Variants in AOX1 observed in about 807,000 individuals in gnomAD.
AOX1 encodes aldehyde oxidase 1.
Under a neutral mutation model 169.5 loss-of-function variants are expected in AOX1, and 153 were observed. The ratio of observed to expected loss-of-function variants is 0.90; its 90% CI spans 0.79 to 1.03. The LOEUF is 1.03. Among genes scored for constraint, AOX1 ranks in the 50% least tolerant of loss-of-function variants. The pLI, the probability that AOX1 is intolerant of heterozygous loss-of-function variation, is 0.00. For missense variants in AOX1, 1,656 were observed against 1,663.9 expected (o/e 1.00, Z 0.08); for synonymous variants, 562 against 581.9 (o/e 0.97, Z 0.49).
chr2:200,641,383 C>G (rs1040858030), intron 24 of AOX1, among the ~76,000 whole-genome samples, 199 bp downstream of exon 24: 1 of 152,026 alleles, frequency 6.6e-6, no homozygotes, highest in Non-Finnish European at 1.5e-5. Context: ...TGTGTGTTAC[C>G]CCCCGGCTTC....
chr2:200,642,863 G>C (rs1015819211), intron 25 of AOX1, 62 bp downstream of exon 25: 8 of 1,504,188 alleles, frequency 5.3e-6, no homozygotes, highest in Middle Eastern at 3.7e-4. Flanking sequence ...AGGGCCTTTG[G>C]GGGCCATTCA....
At position 200,669,580 on chromosome 2, in the gene AOX1, G is replaced by A. The variant is rs1227851346; in HGVS notation, c.3804G>A (p.Leu1268=). 6.2e-7 allele frequency: 1 copy of A among 1,614,044 alleles called. No homozygotes were observed. The highest frequency in any genetic ancestry group is 8.5e-7 in the Non-Finnish European group (1 of 1,179,986). Reference sequence around the variant, plus strand: ...TTGGCATGCTTCCTTTCAAGGGTCTGGGAGAGTCGGGGGTGTTCCTGGGGT... The same window carrying A: ...TTGGCATGCTTCCTTTCAAGGGTCTAGGAGAGTCGGGGGTGTTCCTGGGGT... ...NSNTLYSSKG[L]GESGVFLGCS... is the part of the protein sequence containing the mutation. The change falls in exon 34 of 35, where the codon CTG becomes CTA. Residue 1268 remains leucine, a synonymous_variant. Coordinates refer to ENST00000374700, the MANE Select transcript of AOX1 (RefSeq NM_001159.4).
chr2:200,659,904 T>A (rs1402966336), intron 28 of AOX1, 91 bp from the exon 29 acceptor site: 1 of 994,868 alleles, frequency 1.0e-6, no homozygotes, highest in East Asian at 2.5e-5. Context: ...CCCTCTTAGA[T>A]AAGCCTATGG....
chr2:200,656,212 G>C (rs1316120287), intron 26 of AOX1, among the ~76,000 whole-genome samples: 1 of 152,184 alleles, frequency 6.6e-6, no homozygotes, highest in Non-Finnish European at 1.5e-5. Context: ...CAGAGCCAAA[G>C]GGAAGAAGCC....
At chr2:200,632,015 C>T (rs2035138362) in intron 20 of AOX1, among the ~76,000 whole-genome samples, 1 of 151,968 alleles carries the variant, frequency 6.6e-6, no homozygotes, top group African/African-American at 2.4e-5. Flanking sequence ...GTCCAGATTG[C>T]AATTTAAAAC....
At chr2:200,593,001 A>C in intron 1 of AOX1, 145 bp from the exon 2 acceptor site, 1 of 648,932 alleles carries the variant, frequency 1.5e-6, no homozygotes, top group South Asian at 1.8e-5. Context: ...TTTGCATATC[A>C]CAGCTGTTCC....
At chr2:200,588,813 C>T (rs1488179318) in intron 1 of AOX1, among the ~76,000 whole-genome samples, 2 of 143,374 alleles carry the variant, frequency 1.4e-5, no homozygotes, top group Non-Finnish European at 3.0e-5. Context: ...CACCCACCAC[C>T]ACGCTAATTT....
chr2:200,612,584 T>C (rs764755705), intron 13 of AOX1, 25 bp from the exon 14 acceptor site: 5 of 1,609,372 alleles, frequency 3.1e-6, no homozygotes, highest in Non-Finnish European at 4.2e-6. Flanking sequence ...TGTTTCTACA[T>C]GTGCCACTTA....
At chr2:200,602,430 A>T (rs753620461) in intron 6 of AOX1, 85 bp downstream of exon 6, 12 of 1,168,644 alleles carry the variant, frequency 1.0e-5, no homozygotes, top group East Asian at 2.4e-5. Flanking sequence ...GGGGGCAGCC[A>T]TCTTACTAAT....
At chr2:200,649,830 T>G (rs1355083086) in intron 25 of AOX1, among the ~76,000 whole-genome samples, 1 of 152,162 alleles carries the variant, frequency 6.6e-6, no homozygotes, top group Non-Finnish European at 1.5e-5. Context: ...AGGAAAACAG[T>G]CAGTTTCTCC....
chr2:200,615,893 C>T, intron 15 of AOX1, 78 bp from the exon 16 acceptor site: 1 of 1,050,278 alleles, frequency 9.5e-7, no homozygotes, highest in Non-Finnish European at 1.5e-6. Flanking sequence ...CTTGCTAAGA[C>T]TCATGCTAGC....
At chr2:200,623,752 C>T in intron 18 of AOX1, 109 bp from the exon 19 acceptor site, 1 of 1,532,060 alleles carries the variant, frequency 6.5e-7, no homozygotes, top group Non-Finnish European at 8.9e-7. Flanking sequence ...CTGTGTGTAT[C>T]TAGCCCTAGC....
intron 24 of AOX1, among the ~76,000 whole-genome samples, chr2:200,641,505 A>G (rs2035351378): frequency 6.6e-6 from 1 of 151,936 alleles, no homozygotes; most frequent in Non-Finnish European, 1.5e-5. Flanking sequence ...TATCCTGCTC[A>G]TTGTACCATC....
At chr2:200,631,660 G>T (rs2035127741) in intron 20 of AOX1, among the ~76,000 whole-genome samples, 1 of 152,128 alleles carries the variant, frequency 6.6e-6, no homozygotes, top group Non-Finnish European at 1.5e-5. Context: ...TACGGGTGGG[G>T]GCTGTCAGGG....
chr2:200,634,674 C>T, intron 20 of AOX1, 117 bp from the exon 21 acceptor site: 1 of 1,260,050 alleles, frequency 7.9e-7, no homozygotes, highest in Non-Finnish European at 1.1e-6. Context: ...TGTTATACTT[C>T]ACTGTGCCCA....
chr2:200,601,329 T>C (rs1479023558), intron 5 of AOX1, among the ~76,000 whole-genome samples: 1 of 152,140 alleles, frequency 6.6e-6, no homozygotes, highest in East Asian at 1.9e-4. Context: ...AAAGATGTAT[T>C]CGTCAAAGGT....
Position 200,668,708 on chromosome 2 carries a change from C to T in AOX1, c.3703C>T (p.Gln1235Ter). Residue 1235 changes from glutamine (Q) to a stop codon, truncating the protein, a stop_gained, in exon 33 of 35, where the codon CAA (glutamine) becomes TAA (stop). Coordinates refer to ENST00000374700, the MANE Select transcript of AOX1 (RefSeq NM_001159.4). LOFTEE classifies it high-confidence loss of function. ...CATTCTGCACACTCGTGGTCCAGAC[C>T]AATATAAAATCCCTGCCATCTGTGA... ...QGILHTRGPD[Q>*]YKIPAICDMP... 6.2e-7 allele frequency: 1 copy of T among 1,614,136 alleles called. No homozygotes were observed. The highest frequency in any genetic ancestry group is 1.7e-5 in the Admixed American group (1 of 60,022).
In AOX1 at chr2:200,668,757, CT is replaced by C; in HGVS notation, c.3755del (p.Leu1252CysfsTer36). 1 of 1,614,108 alleles carries C rather than the reference CT, an allele frequency of 6.2e-7. No individual in the cohort carries two copies. Among genetic ancestry groups the C allele is most frequent in the Non-Finnish European group, 8.5e-7 (1 of 1,180,024 alleles). On this transcript the variant is annotated frameshift_variant, in exon 33 of 35. Coordinates refer to ENST00000374700, the MANE Select transcript of AOX1 (RefSeq NM_001159.4). LOFTEE classifies it high-confidence loss of function. ...ICDMPTELHI[A>X]LLPPSQNSNT... ...GACATGCCCACGGAGTTGCACATTG[CT>C]TTGTTGCCTCCTTCTCAAAACTCAA...
chr2:200,661,472 A>C, intron 29 of AOX1, 107 bp from the exon 30 acceptor site: 3 of 868,158 alleles, frequency 3.5e-6, no homozygotes, highest in Non-Finnish European at 5.7e-6. Context: ...CCTGGTTACT[A>C]TTGCTGATAG....
Sources: allele counts gnomAD v4.1 joint callset (sites outside exome capture counted in the v4.1 genomes callset), GRCh38; gene constraint gnomAD v4.1.1; transcripts MANE v1.5; gene names NCBI Gene and HGNC (gene_info 2026-07-23, HGNC 2026-07-21).